NEGR1: variants seen among roughly 807,000 people sequenced by gnomAD.
NEGR1 encodes the protein IgLON family member 4.
NEGR1 carries 10 observed loss-of-function variants against 40.9 expected under a neutral mutation model. The ratio of observed to expected loss-of-function variants is 0.24; its 90% CI spans 0.15 to 0.42. The LOEUF (loss-of-function observed/expected upper bound fraction) is 0.42, where lower values mean the gene tolerates loss of function less well. NEGR1 is among the 10% of genes least tolerant of loss of function. The pLI, the probability that NEGR1 is intolerant of heterozygous loss-of-function variation, is 1.00. For missense variants in NEGR1, 352 were observed against 438.9 expected, an observed-to-expected ratio of 0.80 and a Z score of 1.77; for synonymous variants, 185 against 166.8, an observed-to-expected ratio of 1.11 and a Z score of -0.84.
At chr1:72,066,076 A>G (rs1377100222) in intron 1 of NEGR1, among the ~76,000 whole-genome samples, 1 of 152,180 alleles carries the variant, frequency 6.6e-6, no homozygotes, top group African/African-American at 2.4e-5. Context: ...TATAGACTCA[A>G]TAATAAAAGT....
chr1:72,171,148 T>C (rs765821405), intron 1 of NEGR1, among the ~76,000 whole-genome samples: 10 of 152,144 alleles, frequency 6.6e-5, no homozygotes, highest in Non-Finnish European at 1.3e-4. Flanking sequence ...CCCTCCCCTT[T>C]CCAGAGCAGG....
At chr1:72,196,489 G>T (rs1653002999) in intron 1 of NEGR1, among the ~76,000 whole-genome samples, 1 of 152,002 alleles carries the variant, frequency 6.6e-6, no homozygotes, top group African/African-American at 2.4e-5. Flanking sequence ...ATAATCGCTG[G>T]CTGGGCACAG....
intron 2 of NEGR1, among the ~76,000 whole-genome samples, chr1:71,826,871 T>C (rs1406222119): frequency 1.3e-5 from 2 of 151,972 alleles, no homozygotes; most frequent in Non-Finnish European, 2.9e-5. Context: ...GACCAGGGGA[T>C]AATGACAAAG....
chr1:71,739,215 A>C (rs932624608), intron 3 of NEGR1, among the ~76,000 whole-genome samples: 4 of 143,204 alleles, frequency 2.8e-5, no homozygotes, highest in African/African-American at 5.8e-5. Flanking sequence ...AAAAAAAAAA[A>C]AACAAAAAAA....
chr1:71,695,417 T>C (rs1175842645), intron 4 of NEGR1, among the ~76,000 whole-genome samples: 1 of 151,772 alleles, frequency 6.6e-6, no homozygotes, highest in Non-Finnish European at 1.5e-5. Flanking sequence ...TGCAGCAATA[T>C]GTCGACTTAT....
chr1:71,738,733 C>T (rs1328928119), intron 3 of NEGR1, among the ~76,000 whole-genome samples: 1 of 152,034 alleles, frequency 6.6e-6, no homozygotes, highest in Non-Finnish European at 1.5e-5. Flanking sequence ...TGGCTCTAAA[C>T]CTTCCATACC....
intron 6 of NEGR1, among the ~76,000 whole-genome samples, chr1:71,427,286 C>T (rs1323377463): frequency 6.6e-6 from 1 of 152,182 alleles, no homozygotes; most frequent in East Asian, 1.9e-4. Flanking sequence ...GATTGCACAG[C>T]ATGTTAAAGT....
At chr1:71,608,792 G>C (rs1193959103) in intron 5 of NEGR1, among the ~76,000 whole-genome samples, 1 of 152,166 alleles carries the variant, frequency 6.6e-6, no homozygotes, top group East Asian at 1.9e-4. Flanking sequence ...GTAGAATTGA[G>C]GCTCCATTTA....
In NEGR1 at chr1:72,090,774, T is replaced by G. The variant is rs547582187; in HGVS notation, c.177-155463A>C. Among the ~76,000 whole-genome samples, 10 of 152,284 alleles carry G rather than the reference T, an allele frequency of 6.6e-5. No individual in the cohort carries two copies. In the South Asian group the frequency reaches 1.9e-3, roughly 28 times the overall value. On this transcript the variant is annotated intron_variant, in intron 1 of 6. Transcript: ENST00000357731. ...ATTTGGGACACCTGCCTGCTTGTTT[T>G]CTCCCTGGGTAAACTAGAGAGCTGT...
chr1:71,475,490 T>C (rs1646813544), intron 6 of NEGR1, among the ~76,000 whole-genome samples: 1 of 151,992 alleles, frequency 6.6e-6, no homozygotes, highest in Non-Finnish European at 1.5e-5. Context: ...GCTAACAATA[T>C]GTAACTGTAA....
chr1:71,576,251 T>C (rs1648963388), intron 6 of NEGR1, among the ~76,000 whole-genome samples: 1 of 152,222 alleles, frequency 6.6e-6, no homozygotes, highest in Admixed American at 6.5e-5. Flanking sequence ...GGCTGCTGTT[T>C]TGGGTTTTTT....
At chr1:71,831,805 G>GAA (rs10552883) in intron 2 of NEGR1, among the ~76,000 whole-genome samples, 4 of 147,754 alleles carry the variant, frequency 2.7e-5, no homozygotes, top group African/African-American at 1.0e-4. Flanking sequence ...GAGACAAAAA[G>GAA]AAAAAAAAAA....
chr1:71,641,891 G>A (rs1651365615), intron 4 of NEGR1, among the ~76,000 whole-genome samples: 1 of 151,992 alleles, frequency 6.6e-6, no homozygotes, highest in Non-Finnish European at 1.5e-5. Context: ...GGAACAAGAA[G>A]CACCAGATTT....
chr1:72,220,759 C>T (rs1653986291), intron 1 of NEGR1, among the ~76,000 whole-genome samples: 2 of 151,920 alleles, frequency 1.3e-5, no homozygotes. Flanking sequence ...AAATGAACTA[C>T]TATTTAAACT....
chr1:71,968,533 C>G (rs755130662), intron 1 of NEGR1, among the ~76,000 whole-genome samples: 1 of 152,092 alleles, frequency 6.6e-6, no homozygotes, highest in Non-Finnish European at 1.5e-5. Flanking sequence ...TCACAAAATC[C>G]TAGTTTACTT....
At chr1:71,477,247 G>T (rs1646827501) in intron 6 of NEGR1, 1 of 152,038 alleles carries the variant, frequency 6.6e-6, no homozygotes. Context: ...TTTTATATGT[G>T]TTTTACCAGT....
At chr1:71,792,104 ATGGCTAG>A (rs1657139629) in intron 2 of NEGR1, among the ~76,000 whole-genome samples, 1 of 152,180 alleles carries the variant, frequency 6.6e-6, no homozygotes, top group Non-Finnish European at 1.5e-5. Context: ...CATGTTGTAA[ATGGCTAG>A]TGTATTCCTT....
At chr1:71,832,628 T>C (rs1238822123) in intron 2 of NEGR1, among the ~76,000 whole-genome samples, 1 of 151,992 alleles carries the variant, frequency 6.6e-6, no homozygotes, top group Non-Finnish European at 1.5e-5. Context: ...ATTTGTTGAA[T>C]TGGTCTGAGG....
At chr1:72,222,735 A>G (rs752702193) in intron 1 of NEGR1, among the ~76,000 whole-genome samples, 8 of 152,206 alleles carry the variant, frequency 5.3e-5, no homozygotes, top group Non-Finnish European at 1.2e-4. Flanking sequence ...AAAAGGTCAA[A>G]CAGTTTCTGC....
Sources: gnomAD v4.1 joint callset for allele counts (sites outside exome capture counted in the v4.1 genomes callset) on GRCh38, gnomAD v4.1.1 for gene constraint, MANE v1.5 for transcripts, NCBI Gene and HGNC (gene_info 2026-07-23, HGNC 2026-07-21) for gene names.